Variants in CIITA observed in about 807,000 individuals in gnomAD.
The protein encoded by CIITA is class II major histocompatibility complex transactivator.
Under a neutral mutation model 115.1 loss-of-function variants are expected in CIITA, and 72 were observed. The observed-to-expected ratio is 0.63, with a 90% CI of 0.52 to 0.76. The LOEUF (loss-of-function observed/expected upper bound fraction) is 0.76. Among genes scored for constraint, CIITA ranks in the 30% least tolerant of loss-of-function variants. The pLI is 0.00. For synonymous variants in CIITA, 763 were observed against 635.6 expected, an observed-to-expected ratio of 1.20 and a Z score of -3.02; for missense variants, 1,617 against 1,463.8, an observed-to-expected ratio of 1.10 and a Z score of -1.71.
chr16:10,904,930 T>A, intron 10 of CIITA, 118 bp downstream of exon 10: 1 of 1,016,782 alleles, frequency 9.8e-7, no homozygotes, highest in Non-Finnish European at 1.5e-6. Flanking sequence ...CACACACTCA[T>A]TTATTTATTC....
At chr16:10,868,595 G>A (rs943514547) in intron 1 of CIITA, among the ~76,000 whole-genome samples, 5 of 152,184 alleles carry the variant, frequency 3.3e-5, no homozygotes, top group Admixed American at 6.5e-5. Flanking sequence ...CAGGGGCGCA[G>A]ACAGCCAGTG....
At chr16:10,892,499 C>G (rs959606241) in intron 1 of CIITA, among the ~76,000 whole-genome samples, 1 of 152,200 alleles carries the variant, frequency 6.6e-6, no homozygotes, top group Non-Finnish European at 1.5e-5. Flanking sequence ...CTCCAGGAAG[C>G]TCCCTCTGTT....
At chr16:10,892,663 T>C (rs2037715031) in intron 1 of CIITA, among the ~76,000 whole-genome samples, 2 of 152,232 alleles carry the variant, frequency 1.3e-5, no homozygotes, top group Admixed American at 6.5e-5. Flanking sequence ...CTGGGTGCAG[T>C]GGCTCATGCC....
Position 10,907,142 on chromosome 16 carries a change from G to A in CIITA, c.1650G>A (p.Arg550=). The stretch of plus-strand genomic sequence containing the variant: ...CCCTCCTCCTCACAGCCCGGCCCCG[G>A]GGCCGCCTGGTCCAGAGCCTGAGCA... The part of the protein sequence containing the change: ...GCTLLLTARP[R]GRLVQSLSKA... The change falls in exon 11 of 20, where the codon CGG becomes CGA. Residue 550 remains arginine (R), a synonymous_variant. Transcript: ENST00000324288. The surrounding 1 kb of genome is among the most constrained non-coding windows in gnomAD (Gnocchi z 5.0). The A allele has an allele frequency of 1.2e-6, 2 of 1,612,824 alleles. No homozygotes were observed. Among genetic ancestry groups the A allele is most frequent in the Non-Finnish European group, 1.7e-6 (2 of 1,179,848 alleles).
At chr16:10,917,559 A>C (rs1257585010) in intron 15 of CIITA, among the ~76,000 whole-genome samples, 1 of 149,884 alleles carries the variant, frequency 6.7e-6, no homozygotes, top group Non-Finnish European at 1.5e-5. Flanking sequence ...TATTTATTGC[A>C]AACTTCACCT....
At position 10,868,315 on chromosome 16, in the gene CIITA, G is replaced by T. The variant is rs116554419; in HGVS notation, c.-21+1996G>T. Among the ~76,000 whole-genome samples, 1,019 of 152,292 alleles carry T rather than the reference G, an allele frequency of 6.7e-3. 9 individuals carry two copies. Among genetic ancestry groups the T allele is most frequent in the African/African-American group, 0.023 (974 of 41,550 alleles). ...CCCCAGGTGGGAAGCGGTGAAGACT[G>T]GATTTGAAGACAGACAAGCTTTGAT... On this transcript the variant is annotated intron_variant, in intron 1 of 5. Transcript: ENST00000636238.
chr16:10,890,969 G>A (rs2037508825), intron 1 of CIITA, among the ~76,000 whole-genome samples: 1 of 152,090 alleles, frequency 6.6e-6, no homozygotes. Flanking sequence ...GGTAGGTAGG[G>A]GTAGTCTCAA....
At chr16:10,894,187 T>C (rs1167143389) in intron 1 of CIITA, among the ~76,000 whole-genome samples, 1 of 152,182 alleles carries the variant, frequency 6.6e-6, no homozygotes, top group Non-Finnish European at 1.5e-5. Flanking sequence ...TTGCCTGTTT[T>C]GGTCATTTCA....
chr16:10,906,670 C>T lies in CIITA; in HGVS notation c.1178C>T (p.Ala393Val), dbSNP rs1391593497. 2 of 1,613,316 alleles carry T rather than the reference C, an allele frequency of 1.2e-6. No individual in the cohort carries two copies. Among genetic ancestry groups the T allele is most frequent in the Non-Finnish European group, 1.7e-6 (2 of 1,179,946 alleles). Residue 393 changes from alanine (A) to valine (V), a missense_variant, in exon 11 of 20, where the codon GCC (alanine) becomes GTC (valine). By Grantham distance (64) the Ala-to-Val change is moderately conservative. Coordinates refer to ENST00000324288, the MANE Select transcript of CIITA (RefSeq NM_000246.4). Reference protein sequence around the residue: ...ATPDWAERQLAQGGLAEVLLA... With the variant: ...ATPDWAERQLVQGGLAEVLLA... ...CCGGACTGGGCAGAACGGCAGCTGGCCCAAGGAGGCCTGGCTGAGGTGCTG... is the reference window on the plus strand; with the variant it reads ...CCGGACTGGGCAGAACGGCAGCTGGTCCAAGGAGGCCTGGCTGAGGTGCTG...
chr16:10,922,652 G>A (rs1379907691), intron 18 of CIITA, among the ~76,000 whole-genome samples, 162 bp downstream of exon 18: 3 of 152,280 alleles, frequency 2.0e-5, no homozygotes, highest in Non-Finnish European at 4.4e-5. Context: ...CTGTAAAGTG[G>A]GGACAGTAAT....
At chr16:10,889,172 C>T (rs933445513) in intron 1 of CIITA, among the ~76,000 whole-genome samples, 1 of 152,154 alleles carries the variant, frequency 6.6e-6, no homozygotes, top group Non-Finnish European at 1.5e-5. Context: ...TCTCCTGCCA[C>T]GGGATGATCA....
rs143920239 is a variant in CIITA, at chr16:10,936,303, A to G, written c.*12448A>G. ...GGTCATAGGATTGTATAGTGTATCA[A>G]TATTAGATTTGCTGATTTTGACAAC... On this transcript the variant is annotated 3_prime_UTR_variant, in exon 20 of 20. Coordinates refer to ENST00000324288, the MANE Select transcript of CIITA (RefSeq NM_000246.4). 30 of 152,292 alleles carry G rather than the reference A, an allele frequency of 2.0e-4. No individual in the cohort carries two copies. The highest frequency in any genetic ancestry group is 3.4e-3 in the Middle Eastern group (1 of 294). 9.4% of individuals were successfully genotyped at this position (152,292 alleles called of 1,614,324 possible).
intron 1 of CIITA, among the ~76,000 whole-genome samples, chr16:10,883,765 G>A (rs760324680): frequency 7.2e-5 from 11 of 152,210 alleles, no homozygotes; most frequent in Admixed American, 1.3e-4. Context: ...GGGAACACCC[G>A]AAGGAAAAGG....
intron 1 of CIITA, among the ~76,000 whole-genome samples, chr16:10,888,084 C>T (rs903733222): frequency 6.6e-6 from 1 of 152,178 alleles, no homozygotes; most frequent in African/African-American, 2.4e-5. Context: ...GTCACTCTCA[C>T]AGAGGTAAGA....
In CIITA at chr16:10,903,616, C is replaced by T. The variant is rs1476420074; in HGVS notation, c.773-115C>T. On this transcript the variant is annotated intron_variant, in intron 8 of 19. Transcript: ENST00000324288. ...AATATCTTCCTTTGGAAGTTCTACT[C>T]TCTTCTCTCCAGACTTCCTGAGCTC... is the stretch of plus-strand genomic sequence containing the variant. 26 of 1,110,946 alleles carry T rather than the reference C, an allele frequency of 2.3e-5. No homozygotes were observed. In the East Asian group the frequency reaches 6.0e-4, roughly 26 times the overall value. 68.8% of individuals were successfully genotyped at this position (1,110,946 alleles called of 1,614,324 possible).
At chr16:10,939,636 C>T (rs2041074383), downstream of CIITA, 1 of 152,284 alleles carries the variant, frequency 6.6e-6, no homozygotes, top group South Asian at 2.1e-4. The surrounding 1 kb of genome is among the most constrained non-coding windows in gnomAD (Gnocchi z 4.9). Flanking sequence ...GAGGCTTTCT[C>T]TGACCCCTCA....
intron 13 of CIITA, chr16:10,914,939 G>C (rs1394916610): frequency 5.3e-6 from 2 of 378,598 alleles, no homozygotes; most frequent in South Asian, 2.0e-5. Context: ...AGGCTGCGGC[G>C]GGAGAAGGGT....
intron 2 of CIITA, 115 bp downstream of exon 2, chr16:10,895,543 C>G (rs751512755): frequency 3.5e-4 from 550 of 1,562,094 alleles, no homozygotes; most frequent in Non-Finnish European, 4.4e-4. Flanking sequence ...ACGGACAGCT[C>G]CCACGTCTGT....
rs2038720922 is a variant in CIITA at position 10,901,267 on chromosome 16, C to G, written c.437-247C>G. On this transcript the variant is annotated intron_variant, in intron 5 of 19. Transcript: ENST00000324288. This position sits in a 1 kb window ranked among gnomAD's most constrained non-coding sequence, Gnocchi z 6.8. ...GTTTTGTTTTGTTTTTTGGCTCAAA[C>G]CCATGTTGTGTCCCCATTTGTGACT... Among the ~76,000 whole-genome samples the G allele has an allele frequency of 6.6e-6, 1 of 152,162 alleles. No homozygotes were observed. Among genetic ancestry groups the G allele is most frequent in the African/African-American group, 2.4e-5 (1 of 41,436 alleles).
Sources: allele counts gnomAD v4.1 joint callset (sites outside exome capture counted in the v4.1 genomes callset), GRCh38; gene constraint gnomAD v4.1.1; non-coding constraint Gnocchi (gnomAD v3.1); transcripts MANE v1.5; gene names NCBI Gene and HGNC (gene_info 2026-07-23, HGNC 2026-07-21).